Variants in PRDM16 observed in about 807,000 individuals in gnomAD.
PRDM16 encodes the protein histone-lysine N-methyltransferase PRDM16.
PRDM16 carries 23 observed loss-of-function variants against 110.6 expected under a neutral mutation model. That is an observed-to-expected ratio of 0.21 (90% CI 0.15 to 0.29). The LOEUF (loss-of-function observed/expected upper bound fraction) is 0.29, where lower values mean the gene tolerates loss of function less well. Ranked by LOEUF, PRDM16 falls within the 10% of genes least tolerant of loss-of-function variation. The pLI is 1.00. For missense variants in PRDM16, 1,615 were observed against 1,794.3 expected, an observed-to-expected ratio of 0.90 and a Z score of 1.81; for synonymous variants, 799 against 781.8, an observed-to-expected ratio of 1.02 and a Z score of -0.37.
intron 1 of PRDM16, among the ~76,000 whole-genome samples, chr1:3,136,838 G>C (rs1458458869): frequency 6.6e-6 from 1 of 152,230 alleles, no homozygotes; most frequent in Non-Finnish European, 1.5e-5. Flanking sequence ...GACTGGGTCA[G>C]TTGGGGGTCC....
intron 1 of PRDM16, among the ~76,000 whole-genome samples, chr1:3,094,407 G>C (rs1642348395): frequency 6.6e-6 from 1 of 152,226 alleles, no homozygotes; most frequent in Non-Finnish European, 1.5e-5. Flanking sequence ...CAAGGTCAAT[G>C]CTGGCCCGTG....
chr1:3,151,292 G>A (rs777807292), intron 1 of PRDM16, among the ~76,000 whole-genome samples: 1 of 152,238 alleles, frequency 6.6e-6, no homozygotes, highest in Non-Finnish European at 1.5e-5. Flanking sequence ...CCAGACAGAA[G>A]TGGGGACGAG....
intron 3 of PRDM16, among the ~76,000 whole-genome samples, chr1:3,321,139 C>T (rs75019733): frequency 7.0e-4 from 106 of 152,272 alleles, no homozygotes; most frequent in African/African-American, 2.3e-3. Context: ...ACAGAGGGAT[C>T]GGAGAAGTTG....
chr1:3,108,805 TA>T (rs1642722138), intron 1 of PRDM16, among the ~76,000 whole-genome samples: 1 of 152,030 alleles, frequency 6.6e-6, no homozygotes, highest in South Asian at 2.1e-4. Context: ...AGTGCCCCCT[TA>T]GTGCTCAGGA....
chr1:3,188,681 C>T (rs181081722), intron 2 of PRDM16, among the ~76,000 whole-genome samples: 39 of 152,306 alleles, frequency 2.6e-4, no homozygotes, highest in East Asian at 1.4e-3. Flanking sequence ...CTTGCGAGTT[C>T]GGGCACCGAC....
intron 11 of PRDM16, 41 bp from the exon 12 acceptor site, chr1:3,418,616 TGTAAGCCCAC>T: frequency 7.8e-7 from 1 of 1,289,148 alleles, no homozygotes; most frequent in South Asian, 1.2e-5. Context: ...GAAATGGCCA[TGTAAGCCCAC>T]CCTAATCCTC....
rs777175321 is a variant in PRDM16 at position 3,081,859 on chromosome 1, AG to A, written c.37+12564del. Among the ~76,000 whole-genome samples, 1 of 152,160 alleles carries A rather than the reference AG, an allele frequency of 6.6e-6. No homozygotes were observed. The highest frequency in any genetic ancestry group is 1.5e-5 in the Non-Finnish European group (1 of 68,028). On this transcript the variant is annotated intron_variant, in intron 1 of 16. Transcript: ENST00000270722. The surrounding 1 kb of genome is among the most constrained non-coding windows in gnomAD (Gnocchi z 4.6). ...ACTAAACACCAGCTTTGCAAAAGCAAGACCCTGCCATCCCTAGCTCCCCTCA... is the reference window on the plus strand; with the variant it reads ...ACTAAACACCAGCTTTGCAAAAGCAAACCCTGCCATCCCTAGCTCCCCTCA...
At position 3,102,258 on chromosome 1, in the gene PRDM16, T is replaced by C. The variant is rs899644593; in HGVS notation, c.37+32962T>C. Among the ~76,000 whole-genome samples, 11 of 152,288 alleles carry C rather than the reference T, an allele frequency of 7.2e-5. No individual in the cohort carries two copies. In the South Asian group the frequency reaches 2.3e-3, roughly 32 times the overall value. On this transcript the variant is annotated intron_variant, in intron 1 of 16. Coordinates refer to ENST00000270722, the MANE Select transcript of PRDM16 (RefSeq NM_022114.4). ...CTCCCCAGCGGGGCTGGGAGGGGACTCAGGGGAGGGAGGACCTGCCAGCAC... is the reference window on the plus strand; with the variant it reads ...CTCCCCAGCGGGGCTGGGAGGGGACCCAGGGGAGGGAGGACCTGCCAGCAC...
At chr1:3,083,919 T>C (rs1642089372) in intron 1 of PRDM16, among the ~76,000 whole-genome samples, 1 of 152,184 alleles carries the variant, frequency 6.6e-6, no homozygotes, top group African/African-American at 2.4e-5. Flanking sequence ...TTGACACAAA[T>C]GTGACTCCAT....
At chr1:3,297,807 GA>G (rs1641122215) in intron 3 of PRDM16, among the ~76,000 whole-genome samples, 1 of 152,022 alleles carries the variant, frequency 6.6e-6, no homozygotes, top group Non-Finnish European at 1.5e-5. Context: ...ACCAAGAGAA[GA>G]AAAAAAGTCC....
intron 3 of PRDM16, among the ~76,000 whole-genome samples, chr1:3,324,366 G>A (rs908178566): frequency 1.4e-4 from 21 of 152,128 alleles, no homozygotes; most frequent in Non-Finnish European, 2.1e-4. Context: ...ATCTTGACAG[G>A]CCCTCAAAAG....
intron 2 of PRDM16, among the ~76,000 whole-genome samples, chr1:3,236,993 G>A (rs1054575884): frequency 6.6e-6 from 1 of 152,174 alleles, no homozygotes; most frequent in Non-Finnish European, 1.5e-5. Flanking sequence ...GGAGGAAGCT[G>A]GGGGGCACAG....
chr1:3,362,077 C>T (rs1395691189), intron 3 of PRDM16, among the ~76,000 whole-genome samples: 1 of 152,114 alleles, frequency 6.6e-6, no homozygotes, highest in Non-Finnish European at 1.5e-5. Context: ...GTCCCGGGGA[C>T]ATCTGTCTGG....
At chr1:3,140,324 G>A (rs186172999) in intron 1 of PRDM16, among the ~76,000 whole-genome samples, 1 of 152,258 alleles carries the variant, frequency 6.6e-6, no homozygotes, top group African/African-American at 2.4e-5. Flanking sequence ...ACTCTGCACT[G>A]TAGCCTTCTG....
intron 1 of PRDM16, among the ~76,000 whole-genome samples, chr1:3,092,952 T>C (rs1642311197): frequency 6.6e-6 from 1 of 151,854 alleles, no homozygotes; most frequent in African/African-American, 2.4e-5. Context: ...GGCCCCTGGG[T>C]CCCCTCAGGC....
At chr1:3,377,996 C>T (rs1643024502) in intron 3 of PRDM16, among the ~76,000 whole-genome samples, 1 of 152,178 alleles carries the variant, frequency 6.6e-6, no homozygotes, top group South Asian at 2.1e-4. Context: ...GAAGACTTCA[C>T]ACCAAAACAG....
chr1:3,403,875 C>T (rs532344696), intron 6 of PRDM16, among the ~76,000 whole-genome samples: 2 of 152,342 alleles, frequency 1.3e-5, no homozygotes, highest in Admixed American at 1.3e-4. Flanking sequence ...ACCGCCCATC[C>T]CCGCACCGCT....
In PRDM16 at chr1:3,201,237, C is replaced by G. The variant is rs769918420; in HGVS notation, c.387+14763C>G. Among the ~76,000 whole-genome samples, 1 of 152,108 alleles carries G rather than the reference C, an allele frequency of 6.6e-6. No individual in the cohort carries two copies. The highest frequency in any genetic ancestry group is 1.5e-5 in the Non-Finnish European group (1 of 68,018). On this transcript the variant is annotated intron_variant, in intron 2 of 16. Transcript: ENST00000270722. This position sits in a 1 kb window ranked among gnomAD's most constrained non-coding sequence, Gnocchi z 4.1. ...AACTCCATTCATATGATCATAGGAGCTGGGGGGCTGGAGACAAATGTATTT... is the reference window on the plus strand; with the variant it reads ...AACTCCATTCATATGATCATAGGAGGTGGGGGGCTGGAGACAAATGTATTT...
chr1:3,402,759 C>G (rs187877521), intron 5 of PRDM16, 32 bp from the exon 6 acceptor site: 1 of 1,590,414 alleles, frequency 6.3e-7, no homozygotes, highest in Non-Finnish European at 8.6e-7. Context: ...GTCTCCAGCT[C>G]ACTCACCACC....
Sources: gnomAD v4.1 joint callset for allele counts (sites outside exome capture counted in the v4.1 genomes callset) on GRCh38, gnomAD v4.1.1 for gene constraint, Gnocchi (gnomAD v3.1) non-coding constraint, MANE v1.5 for transcripts, NCBI Gene and HGNC (gene_info 2026-07-23, HGNC 2026-07-21) for gene names.